The following CNTNAP2 variants were observed in gnomAD, a reference collection of about 807,000 sequenced individuals.
CNTNAP2 encodes contactin associated protein 2.
CNTNAP2 carries 98 observed loss-of-function variants against 155.2 expected under a neutral mutation model. That is an observed-to-expected ratio of 0.63 (90% confidence interval 0.54 to 0.75). CNTNAP2 has a LOEUF of 0.75. Ranked by LOEUF, CNTNAP2 falls within the 30% of genes least tolerant of loss-of-function variation. The pLI, the probability that CNTNAP2 is intolerant of heterozygous loss-of-function variation, is 0.00. For missense variants in CNTNAP2, 1,727 were observed against 1,688.1 expected (o/e 1.02, Z -0.40); for synonymous variants, 651 against 631.2 (o/e 1.03, Z -0.47).
chr7:146,528,905 A>G (rs573085981), intron 1 of CNTNAP2, among the ~76,000 whole-genome samples: 44 of 152,338 alleles, frequency 2.9e-4, no homozygotes, highest in African/African-American at 9.9e-4. Context: ...AAAAGGCCTT[A>G]GTTAAAATAT....
intron 15 of CNTNAP2, among the ~76,000 whole-genome samples, chr7:147,994,825 G>A (rs937613525): frequency 4.6e-5 from 7 of 152,104 alleles, no homozygotes; most frequent in Admixed American, 4.6e-4. Flanking sequence ...TAAAACTTCT[G>A]GACACCAGTG....
intron 1 of CNTNAP2, among the ~76,000 whole-genome samples, chr7:146,656,125 A>G (rs959747171): frequency 9.2e-5 from 14 of 152,236 alleles, no homozygotes; most frequent in African/African-American, 3.1e-4. Flanking sequence ...CCGGTTAACC[A>G]CCAAAACAAC....
At chr7:146,824,520 C>T (rs1386157429) in intron 2 of CNTNAP2, among the ~76,000 whole-genome samples, 1 of 152,126 alleles carries the variant, frequency 6.6e-6, no homozygotes, top group Non-Finnish European at 1.5e-5. Context: ...TGAAAACATT[C>T]CTATTTCTCC....
intron 1 of CNTNAP2, among the ~76,000 whole-genome samples, chr7:146,309,858 AAAG>A (rs1800789303): frequency 6.6e-6 from 1 of 151,784 alleles, no homozygotes; most frequent in African/African-American, 2.4e-5. Context: ...GGAAGGAAAG[AAAG>A]AAGGAAGGAA....
intron 13 of CNTNAP2, among the ~76,000 whole-genome samples, chr7:147,663,873 G>T (rs1584886637): frequency 1.4e-5 from 2 of 138,064 alleles, no homozygotes; most frequent in South Asian, 2.1e-4. Context: ...ATGTGGAATT[G>T]GTTCATTTAT....
In CNTNAP2 at chr7:147,353,051, C is replaced by T. The variant is rs540239574; in HGVS notation, c.1499-42558C>T. ...CTCATATAAAGTGAGATATTATAAA[C>T]CGCAACTCTGTTTCAGCATGTAGAA... On this transcript the variant is annotated intron_variant, in intron 9 of 23. Transcript: ENST00000361727. 2.7e-5 allele frequency among the ~76,000 whole-genome samples: 4 copies of T among 150,744 alleles called. 1 individual carries two copies. The highest frequency in any genetic ancestry group is 9.8e-5 in the African/African-American group (4 of 40,758).
chr7:147,543,802 C>T (rs1799681134), intron 11 of CNTNAP2, among the ~76,000 whole-genome samples: 1 of 152,106 alleles, frequency 6.6e-6, no homozygotes, highest in African/African-American at 2.4e-5. Flanking sequence ...ATTCCATACG[C>T]TCCATTTGAA....
chr7:147,113,519 C>A (rs144320079), intron 5 of CNTNAP2, among the ~76,000 whole-genome samples: 1 of 151,370 alleles, frequency 6.6e-6, no homozygotes, highest in African/African-American at 2.4e-5. Context: ...CAATCAGGGC[C>A]GAAAGGGAAG....
At chr7:147,218,661 T>C (rs558035174) in intron 8 of CNTNAP2, among the ~76,000 whole-genome samples, 1 of 152,296 alleles carries the variant, frequency 6.6e-6, no homozygotes, top group African/African-American at 2.4e-5. Context: ...ATGTGTCTTA[T>C]TGAATATTTC....
intron 14 of CNTNAP2, among the ~76,000 whole-genome samples, chr7:147,935,751 A>G (rs1023449271): frequency 6.6e-6 from 1 of 152,166 alleles, no homozygotes; most frequent in Non-Finnish European, 1.5e-5. Context: ...TTGGAACAAT[A>G]TTATCTTTCA....
chr7:147,203,151 T>C (rs539271410), intron 8 of CNTNAP2, among the ~76,000 whole-genome samples: 42 of 152,280 alleles, frequency 2.8e-4, no homozygotes, highest in African/African-American at 8.2e-4. Context: ...CAAAATTATT[T>C]ACATTGACAC....
intron 15 of CNTNAP2, among the ~76,000 whole-genome samples, chr7:148,045,675 G>A (rs1310095762): frequency 1.3e-5 from 2 of 152,202 alleles, no homozygotes; most frequent in African/African-American, 4.8e-5. Context: ...CTGCCTTCCA[G>A]TGAATATTTA....
At chr7:147,271,843 C>A (rs1804760180) in intron 8 of CNTNAP2, among the ~76,000 whole-genome samples, 1 of 152,122 alleles carries the variant, frequency 6.6e-6, no homozygotes, top group Non-Finnish European at 1.5e-5. Context: ...GGGACATAGC[C>A]AAATGATATC....
intron 9 of CNTNAP2, 133 bp downstream of exon 9, chr7:147,300,423 C>T (rs1185192483): frequency 3.1e-6 from 3 of 968,488 alleles, no homozygotes; most frequent in African/African-American, 1.7e-5. Context: ...ACTGTAATTC[C>T]ACTGAGCAAA....
rs543766727 is a variant in CNTNAP2, at chr7:147,779,716, T to A, written c.2099-123849T>A. Among the ~76,000 whole-genome samples the A allele has an allele frequency of 2.6e-5, 4 of 152,312 alleles. No individual in the cohort carries two copies. In the South Asian group the frequency reaches 6.2e-4, roughly 24 times the overall value. ...GGAAAATACTAGACTCAGGGATGTT[T>A]TCACAGAGTAATATGTTTTGAAAAA... is the stretch of plus-strand genomic sequence containing the variant. On this transcript the variant is annotated intron_variant, in intron 13 of 23. Coordinates refer to ENST00000361727, the MANE Select transcript of CNTNAP2 (RefSeq NM_014141.6).
intron 3 of CNTNAP2, among the ~76,000 whole-genome samples, chr7:146,937,998 G>T (rs1329958208): frequency 6.6e-6 from 1 of 152,118 alleles, no homozygotes; most frequent in Non-Finnish European, 1.5e-5. Context: ...TTCAGGAAGG[G>T]TATATTTAAC....
At chr7:146,679,056 A>C (rs1408909563) in intron 1 of CNTNAP2, among the ~76,000 whole-genome samples, 1 of 152,202 alleles carries the variant, frequency 6.6e-6, no homozygotes, top group South Asian at 2.1e-4. Context: ...ACTTTGTTAC[A>C]TAGGTAAACT....
chr7:147,981,076 A>G (rs1197515993), intron 15 of CNTNAP2, among the ~76,000 whole-genome samples: 2 of 152,134 alleles, frequency 1.3e-5, no homozygotes, highest in African/African-American at 4.8e-5. Flanking sequence ...GGCAGGGCAA[A>G]TATTAGTCTT....
At chr7:146,267,974 G>A (rs888291735) in intron 1 of CNTNAP2, among the ~76,000 whole-genome samples, 8 of 152,140 alleles carry the variant, frequency 5.3e-5, no homozygotes, top group East Asian at 1.9e-4. Flanking sequence ...AACAATCCTC[G>A]TGGAAATGGT....
Sources: allele counts gnomAD v4.1 joint callset (sites outside exome capture counted in the v4.1 genomes callset), GRCh38; gene constraint gnomAD v4.1.1; transcripts MANE v1.5; gene names NCBI Gene and HGNC (gene_info 2026-07-23, HGNC 2026-07-21).